Variants in PLEKHB2 observed in about 807,000 individuals in gnomAD.
PLEKHB2 encodes pleckstrin homology domain containing B2, also known as pleckstrin homology domain-containing family B member 2.
In PLEKHB2, 31 loss-of-function variants were observed where a neutral mutation model predicts 36.5. The observed-to-expected ratio is 0.85, with a 90% confidence interval of 0.64 to 1.15. The LOEUF is 1.15. Among genes scored for constraint, PLEKHB2 ranks in the 50% most tolerant of loss-of-function variants. The pLI is 0.00. For missense variants in PLEKHB2, 262 were observed against 295.3 expected (o/e 0.89, Z 0.83); for synonymous variants, 119 against 112.0 (o/e 1.06, Z -0.39).
chr2:131,145,322 G>A (rs1163467293), intron 7 of PLEKHB2, among the ~76,000 whole-genome samples: 1 of 151,946 alleles, frequency 6.6e-6, no homozygotes, highest in Non-Finnish European at 1.5e-5. Flanking sequence ...CACATCACTA[G>A]TGACTAGTTT....
intron 6 of PLEKHB2, 85 bp from the exon 7 acceptor site, chr2:131,140,082 T>C (rs1698631145): frequency 1.4e-6 from 1 of 737,290 alleles, no homozygotes; most frequent in South Asian, 1.8e-5. Context: ...TGTTGAATTT[T>C]ATTGATTGCA....
chr2:131,145,376 T>C (rs1488643503), intron 7 of PLEKHB2, among the ~76,000 whole-genome samples: 1 of 152,192 alleles, frequency 6.6e-6, no homozygotes, highest in Non-Finnish European at 1.5e-5. Context: ...AGTTGCACTC[T>C]GTTGCCCAGA....
At chr2:131,119,940 G>A (rs1696307077) in intron 1 of PLEKHB2, among the ~76,000 whole-genome samples, 1 of 151,272 alleles carries the variant, frequency 6.6e-6, no homozygotes, top group South Asian at 2.1e-4. Context: ...GCTCCTTGCT[G>A]CCATATGGTT....
At chr2:131,141,337 C>CCATTAAAT (rs1435925749) in intron 7 of PLEKHB2, among the ~76,000 whole-genome samples, 1 of 151,998 alleles carries the variant, frequency 6.6e-6, no homozygotes, top group Non-Finnish European at 1.5e-5. Flanking sequence ...AAGTTGAAAA[C>CCATTAAAT]CATTAAAATG....
Position 131,132,898 on chromosome 2 carries a change from G to A in PLEKHB2, c.334-4G>A, listed in dbSNP as rs371262320. On this transcript the variant is annotated splice_region_variant and splice_polypyrimidine_tract_variant and intron_variant, in intron 5 of 7. Coordinates refer to ENST00000693505, the MANE Select transcript of PLEKHB2 (RefSeq NM_001100623.2). Reference sequence around the variant, plus strand: ...CTGTCCTCACCCTCTCCTGTCTCCCGCAGGCGTATGTGGGCTCTGCAGTCA... The same window carrying A: ...CTGTCCTCACCCTCTCCTGTCTCCCACAGGCGTATGTGGGCTCTGCAGTCA... 10 of 1,587,196 alleles carry A rather than the reference G, an allele frequency of 6.3e-6. No individual in the cohort carries two copies. Among genetic ancestry groups the A allele is most frequent in the Admixed American group, 3.3e-5 (2 of 59,930 alleles).
At chr2:131,132,695 G>T (rs1181076695) in intron 5 of PLEKHB2, among the ~76,000 whole-genome samples, 1 of 152,176 alleles carries the variant, frequency 6.6e-6, no homozygotes, top group African/African-American at 2.4e-5. Flanking sequence ...GCCGAGTGAG[G>T]ACCACTTTGC....
intron 2 of PLEKHB2, among the ~76,000 whole-genome samples, chr2:131,125,475 CTTTTT>C: frequency 6.6e-6 from 1 of 152,230 alleles, no homozygotes; most frequent in African/African-American, 2.4e-5. Flanking sequence ...GGGAAGAGTT[CTTTTT>C]GTTTCTGCTG....
chr2:131,118,144 G>A (rs1696077589), intron 1 of PLEKHB2, among the ~76,000 whole-genome samples: 1 of 152,136 alleles, frequency 6.6e-6, no homozygotes, highest in Non-Finnish European at 1.5e-5. Flanking sequence ...GCCCCCAGCC[G>A]GTTCCTCATG....
intron 7 of PLEKHB2, 151 bp from the exon 8 acceptor site, chr2:131,146,486 G>A: frequency 1.4e-6 from 1 of 713,386 alleles, no homozygotes; most frequent in Admixed American, 2.7e-5. Context: ...AGGGATGTCG[G>A]CCACATGATG....
intron 6 of PLEKHB2, 68 bp downstream of exon 6, chr2:131,133,059 G>GT (rs756708166): frequency 1.9e-5 from 19 of 1,011,796 alleles, no homozygotes; most frequent in Middle Eastern, 2.1e-4. Context: ...GCTTTGTTTT[G>GT]TTTTTTTAAA....
chr2:131,112,590 T>A (rs560838400), intron 1 of PLEKHB2, among the ~76,000 whole-genome samples: 1 of 152,218 alleles, frequency 6.6e-6, no homozygotes, highest in South Asian at 2.1e-4. Flanking sequence ...GTAGCAACAG[T>A]TAGAAGTGGG....
intron 1 of PLEKHB2, among the ~76,000 whole-genome samples, chr2:131,111,584 G>A (rs1270300710): frequency 1.0e-4 from 15 of 149,216 alleles, no homozygotes; most frequent in African/African-American, 3.7e-4. Flanking sequence ...TCCGCCTCCC[G>A]GGTTCACGCC....
chr2:131,139,316 A>G (rs1025077389), intron 6 of PLEKHB2, among the ~76,000 whole-genome samples: 5 of 150,360 alleles, frequency 3.3e-5, no homozygotes, highest in Admixed American at 6.6e-5. Context: ...TTTGCTTTGT[A>G]TATAATGACC....
intron 7 of PLEKHB2, chr2:131,144,387 T>A: frequency 8.2e-7 from 1 of 1,212,986 alleles, no homozygotes. Flanking sequence ...TTGGTTGGAG[T>A]CTTCTATTTC....
At chr2:131,129,515 G>GT (rs1343772832) in intron 4 of PLEKHB2, among the ~76,000 whole-genome samples, 1 of 151,816 alleles carries the variant, frequency 6.6e-6, no homozygotes, top group Non-Finnish European at 1.5e-5. Context: ...ACACTATTTT[G>GT]TTTTTTGAGA....
Position 131,123,775 on chromosome 2 carries a change from ACC to A in PLEKHB2, c.38-1968_38-1967del, listed in dbSNP as rs1268166212. 8.9e-3 allele frequency among the ~76,000 whole-genome samples: 345 copies of A among 38,770 alleles called. 5 individuals carry two copies. The highest frequency in any genetic ancestry group is 0.042 in the East Asian group (46 of 1,102). The allele number at this position is 38,770 out of a possible 152,430, so 25.4% of individuals were successfully genotyped here. ...TCTGACCTCCTGGTCCACCCCCCCCACCCCCCCCCCCGCCCCCCGCCCTCGGC... is the reference window on the plus strand; with the variant it reads ...TCTGACCTCCTGGTCCACCCCCCCCACCCCCCCCCGCCCCCCGCCCTCGGC... On this transcript the variant is annotated intron_variant, in intron 2 of 7. Transcript: ENST00000693505.
At chr2:131,106,071 C>T (rs894438943) in intron 1 of PLEKHB2, among the ~76,000 whole-genome samples, 9 of 152,152 alleles carry the variant, frequency 5.9e-5, no homozygotes, top group Admixed American at 3.3e-4. Context: ...TTACATATCT[C>T]TCTTCATGTT....
intron 4 of PLEKHB2, among the ~76,000 whole-genome samples, chr2:131,127,853 A>C (rs1697246293): frequency 6.6e-6 from 1 of 152,222 alleles, no homozygotes; most frequent in East Asian, 1.9e-4. Flanking sequence ...AGCTAGGGAA[A>C]AAATCCTTAA....
In PLEKHB2 at chr2:131,147,382, G is replaced by C. The variant is rs1302448986; in HGVS notation, c.*609G>C. 6.6e-6 allele frequency: 1 copy of C among 152,068 alleles called. No individual in the cohort carries two copies. The highest frequency in any genetic ancestry group is 1.5e-5 in the Non-Finnish European group (1 of 68,128). The allele number at this position is 152,068 out of a possible 1,614,324, so 9.4% of individuals were successfully genotyped here. ...ACAATCATGCTTCAGAAATCTGCCT[G>C]ACCCTAGCTGCTGCTGCTGCTCACT... On this transcript the variant is annotated 3_prime_UTR_variant, in exon 8 of 8. Coordinates refer to ENST00000693505, the MANE Select transcript of PLEKHB2 (RefSeq NM_001100623.2).
Sources: allele counts gnomAD v4.1 joint callset (sites outside exome capture counted in the v4.1 genomes callset), GRCh38; gene constraint gnomAD v4.1.1; transcripts MANE v1.5; gene names NCBI Gene and HGNC (gene_info 2026-07-23, HGNC 2026-07-21).